Variants in GALNT13 observed in about 807,000 individuals in gnomAD.
GALNT13 encodes the protein UDP-GalNAc:polypeptide N-acetylgalactosaminyltransferase 13.
GALNT13 carries 28 observed loss-of-function variants against 64.2 expected under a neutral mutation model. The observed-to-expected ratio is 0.44, with a 90% CI of 0.32 to 0.60. The LOEUF is 0.60. Among genes scored for constraint, GALNT13 ranks in the 20% least tolerant of loss-of-function variants. The probability of loss-of-function intolerance (pLI) is 0.05; values close to 1 mark genes in which losing one functional copy is unlikely to be tolerated. For missense variants in GALNT13, 577 were observed against 669.8 expected, an observed-to-expected ratio of 0.86 and a Z score of 1.53; for synonymous variants, 214 against 224.6, an observed-to-expected ratio of 0.95 and a Z score of 0.42.
chr2:153,120,353 TC>T, the GALNT13 span, among the ~76,000 whole-genome samples: 2 of 152,214 alleles, frequency 1.3e-5, no homozygotes, highest in Admixed American at 6.5e-5. Flanking sequence ...TTGACTATTA[TC>T]TACCAAGGGT....
intron 9 of GALNT13, among the ~76,000 whole-genome samples, chr2:154,316,087 C>G (rs1665289801): frequency 1.3e-5 from 2 of 150,912 alleles, no homozygotes; most frequent in African/African-American, 2.4e-5. Flanking sequence ...GATTCAGTCT[C>G]AAAAAAATTA....
the GALNT13 span, among the ~76,000 whole-genome samples, chr2:153,594,246 C>A: frequency 6.6e-6 from 1 of 152,192 alleles, no homozygotes; most frequent in South Asian, 2.1e-4. Context: ...CAATTTTGCT[C>A]ACAGCACTCT....
intron 11 of GALNT13, among the ~76,000 whole-genome samples, chr2:154,423,824 A>G (rs933345454): frequency 6.6e-6 from 1 of 152,140 alleles, no homozygotes; most frequent in African/African-American, 2.4e-5. Context: ...GATAGTGGCA[A>G]CTTTACAATG....
the GALNT13 span, among the ~76,000 whole-genome samples, chr2:153,082,504 A>T: frequency 6.9e-6 from 1 of 144,036 alleles, no homozygotes; most frequent in Non-Finnish European, 1.5e-5. Flanking sequence ...GTGGGTGAGT[A>T]GTATTCCACG....
the GALNT13 span, among the ~76,000 whole-genome samples, chr2:153,205,623 G>A: frequency 6.6e-6 from 1 of 151,908 alleles, no homozygotes; most frequent in East Asian, 1.9e-4. Context: ...CAATCCAACT[G>A]GTCCAATCCA....
chr2:153,552,372 C>G, the GALNT13 span, among the ~76,000 whole-genome samples: 2 of 152,052 alleles, frequency 1.3e-5, no homozygotes, highest in African/African-American at 4.8e-5. Context: ...ACTGAAGATT[C>G]AGAAGAAAGG....
chr2:153,936,843 C>T (rs1367583158), intron 2 of GALNT13, among the ~76,000 whole-genome samples: 1 of 152,026 alleles, frequency 6.6e-6, no homozygotes, highest in African/African-American at 2.4e-5. Flanking sequence ...GCCTCAGCCT[C>T]CTGAGTAGCT....
intron 2 of GALNT13, chr2:153,926,445 A>T (rs1690143195): frequency 6.6e-6 from 1 of 152,144 alleles, no homozygotes; most frequent in South Asian, 2.1e-4. Context: ...AGAAAGAGAT[A>T]GTTCCTGAAT....
intron 3 of GALNT13, among the ~76,000 whole-genome samples, chr2:153,946,922 T>A (rs1431463792): frequency 1.3e-5 from 2 of 152,132 alleles, no homozygotes; most frequent in Non-Finnish European, 2.9e-5. Context: ...CAAAATATTT[T>A]ATTTGTAAGC....
At chr2:153,592,422 T>G in the GALNT13 span, among the ~76,000 whole-genome samples, 2 of 152,168 alleles carry the variant, frequency 1.3e-5, no homozygotes, top group Non-Finnish European at 2.9e-5. Flanking sequence ...GTAGGAAAGA[T>G]ATGAAATCAA....
At chr2:153,307,178 A>C in the GALNT13 span, among the ~76,000 whole-genome samples, 1 of 152,234 alleles carries the variant, frequency 6.6e-6, no homozygotes, top group African/African-American at 2.4e-5. Flanking sequence ...AGCATCAATT[A>C]ATCTAATAAA....
chr2:153,279,034 A>G, the GALNT13 span, among the ~76,000 whole-genome samples: 1 of 152,178 alleles, frequency 6.6e-6, no homozygotes, highest in Non-Finnish European at 1.5e-5. Context: ...GATTTCTTTC[A>G]TTAGCATTTT....
At chr2:153,577,707 A>C in the GALNT13 span, among the ~76,000 whole-genome samples, 1 of 151,072 alleles carries the variant, frequency 6.6e-6, no homozygotes, top group East Asian at 1.9e-4. Flanking sequence ...TCAGTCCACT[A>C]ACTATTCTAG....
At chr2:154,290,609 T>C (rs559729501) in intron 8 of GALNT13, among the ~76,000 whole-genome samples, 1 of 152,150 alleles carries the variant, frequency 6.6e-6, no homozygotes, top group Non-Finnish European at 1.5e-5. Flanking sequence ...GAGACCAAAT[T>C]TGGGGGAATT....
At chr2:154,054,973 T>C (rs574410099) in intron 3 of GALNT13, among the ~76,000 whole-genome samples, 1 of 152,178 alleles carries the variant, frequency 6.6e-6, no homozygotes, top group South Asian at 2.1e-4. Flanking sequence ...ATGGGACTTT[T>C]TTTTTAGGTG....
the GALNT13 span, among the ~76,000 whole-genome samples, chr2:153,475,549 A>C: frequency 6.6e-6 from 1 of 152,110 alleles, no homozygotes; most frequent in African/African-American, 2.4e-5. Flanking sequence ...TCCTCTCTCA[A>C]CTTTCAGGAC....
At chr2:153,106,302 A>G in the GALNT13 span, among the ~76,000 whole-genome samples, 2 of 152,110 alleles carry the variant, frequency 1.3e-5, no homozygotes, top group Non-Finnish European at 2.9e-5. Context: ...CTCTGAACAT[A>G]GATCACTTGG....
the GALNT13 span, among the ~76,000 whole-genome samples, chr2:153,483,388 C>T: frequency 2.0e-5 from 3 of 150,406 alleles, no homozygotes; most frequent in South Asian, 2.1e-4. Flanking sequence ...AATATTATTC[C>T]GCCTTAAAAA....
At chr2:153,958,324 G>T (rs1692716188) in intron 3 of GALNT13, among the ~76,000 whole-genome samples, 2 of 152,104 alleles carry the variant, frequency 1.3e-5, no homozygotes, top group South Asian at 2.1e-4. Flanking sequence ...AATTTCTGTT[G>T]CCTGGAAGTA....
Sources: allele counts gnomAD v4.1 joint callset (sites outside exome capture counted in the v4.1 genomes callset), GRCh38; gene constraint gnomAD v4.1.1; transcripts MANE v1.5; gene names NCBI Gene and HGNC (gene_info 2026-07-23, HGNC 2026-07-21).